CNTN5: variants seen among roughly 807,000 people sequenced by gnomAD.
The protein encoded by CNTN5 is contactin-5.
CNTN5 carries 77 observed loss-of-function variants against 129.1 expected under a neutral mutation model. The observed-to-expected ratio is 0.60, with a 90% CI of 0.50 to 0.72. CNTN5 has a LOEUF of 0.72. Ranked by LOEUF, CNTN5 falls within the 30% of genes least tolerant of loss-of-function variation. CNTN5 has a pLI of 0.00. For synonymous variants in CNTN5, 509 were observed against 465.6 expected (o/e 1.09, Z -1.20); for missense variants, 1,478 against 1,328.8 (o/e 1.11, Z -1.75).
In CNTN5 at chr11:99,608,439, G is replaced by T. The variant is rs940239227; in HGVS notation, c.55+52170G>T. Among the ~76,000 whole-genome samples the T allele has an allele frequency of 2.0e-5, 3 of 152,308 alleles. No homozygotes were observed. The South Asian group carries it at 6.2e-4, about 32-fold the overall frequency. ...GTTGACCTTCTAACCTCCCTGGTCA[G>T]AATGTGACTTTATTTGGAGATTGGG... On this transcript the variant is annotated intron_variant, in intron 3 of 24. Coordinates refer to ENST00000524871, the MANE Select transcript of CNTN5 (RefSeq NM_014361.4).
intron 1 of CNTN5, among the ~76,000 whole-genome samples, chr11:99,226,624 A>G (rs1336590039): frequency 1.3e-5 from 2 of 152,166 alleles, no homozygotes; most frequent in Non-Finnish European, 2.9e-5. Context: ...GATTCCATAA[A>G]ACATATGTAG....
intron 1 of CNTN5, among the ~76,000 whole-genome samples, chr11:99,230,444 T>G (rs2135727070): frequency 6.6e-6 from 1 of 152,282 alleles, no homozygotes; most frequent in African/African-American, 2.4e-5. Flanking sequence ...AATTATGTTT[T>G]TTGGGACTTC....
intron 3 of CNTN5, among the ~76,000 whole-genome samples, chr11:99,609,696 A>G (rs543601764): frequency 6.6e-6 from 1 of 152,162 alleles, no homozygotes; most frequent in African/African-American, 2.4e-5. Context: ...GAGATAAGAT[A>G]GGTATCATCA....
intron 1 of CNTN5, among the ~76,000 whole-genome samples, chr11:99,312,967 TTAATAGAACGAGCTAA>T (rs1185167597): frequency 2.0e-5 from 3 of 152,058 alleles, no homozygotes; most frequent in Admixed American, 2.0e-4. Context: ...AATAGTGGTT[TTAATAGAACGAGCTAA>T]TAAGTAAGAG....
intron 2 of CNTN5, among the ~76,000 whole-genome samples, chr11:99,410,463 C>T (rs536211853): frequency 4.6e-5 from 7 of 152,124 alleles, no homozygotes; most frequent in Non-Finnish European, 1.0e-4. Flanking sequence ...TTCTAAATAA[C>T]ATGCTAGATG....
intron 3 of CNTN5, among the ~76,000 whole-genome samples, chr11:99,582,971 T>C (rs1949662622): frequency 6.6e-6 from 1 of 152,206 alleles, no homozygotes; most frequent in South Asian, 2.1e-4. Flanking sequence ...ACCTTTGGTT[T>C]TTGATGATGG....
At chr11:99,162,651 G>A (rs918052879) in intron 1 of CNTN5, among the ~76,000 whole-genome samples, 1 of 152,256 alleles carries the variant, frequency 6.6e-6, no homozygotes, top group Admixed American at 6.5e-5. Flanking sequence ...CAAAGAAAGA[G>A]AAGCTAAGAA....
At chr11:100,038,480 A>G (rs1378549231) in intron 9 of CNTN5, among the ~76,000 whole-genome samples, 1 of 152,160 alleles carries the variant, frequency 6.6e-6, no homozygotes, top group African/African-American at 2.4e-5. Context: ...AATGTCTGTT[A>G]GGTCTGCTTG....
Position 99,701,807 on chromosome 11 carries a change from G to A in CNTN5, c.56-117737G>A, listed in dbSNP as rs544539953. Among the ~76,000 whole-genome samples, 63 of 151,166 alleles carry A rather than the reference G, an allele frequency of 4.2e-4. No homozygotes were observed. The South Asian group carries it at 5.4e-3, about 13-fold the overall frequency. On this transcript the variant is annotated intron_variant, in intron 3 of 24. Coordinates refer to ENST00000524871, the MANE Select transcript of CNTN5 (RefSeq NM_014361.4). Reference sequence around the variant, plus strand: ...TCACAAAGTCTGTTAGAGTAACTATGAAGATGATTCATAGATTCTGCTGCC... The same window carrying A: ...TCACAAAGTCTGTTAGAGTAACTATAAAGATGATTCATAGATTCTGCTGCC...
At chr11:100,321,442 A>G (rs1951695060) in intron 21 of CNTN5, among the ~76,000 whole-genome samples, 1 of 151,988 alleles carries the variant, frequency 6.6e-6, no homozygotes, top group Non-Finnish European at 1.5e-5. Context: ...ATCATTCCTA[A>G]GAGTTTTTTG....
chr11:100,129,126 G>A (rs1306883556), intron 13 of CNTN5, among the ~76,000 whole-genome samples: 1 of 152,112 alleles, frequency 6.6e-6, no homozygotes, highest in African/African-American at 2.4e-5. Flanking sequence ...TAGGTCCACA[G>A]GAAATATCTA....
At chr11:99,857,014 CTCTCTATCTA>C (rs199744639) in intron 6 of CNTN5, among the ~76,000 whole-genome samples, 2,213 of 146,874 alleles carry the variant, frequency 0.015, 25 homozygotes, top group Middle Eastern at 0.059. Flanking sequence ...CCTTCCCTCT[CTCTCTATCTA>C]TCTCTATCTC....
chr11:100,221,453 T>A (rs1949263785), intron 15 of CNTN5, among the ~76,000 whole-genome samples: 2 of 152,230 alleles, frequency 1.3e-5, no homozygotes, highest in South Asian at 4.1e-4. Context: ...AGCAGGATAC[T>A]TAGTCAAAAT....
intron 20 of CNTN5, among the ~76,000 whole-genome samples, chr11:100,305,537 AAAGACCCACT>A (rs1656525978): frequency 6.6e-6 from 1 of 151,636 alleles, no homozygotes; most frequent in South Asian, 2.1e-4. Context: ...AAATATGACT[AAAGACCCACT>A]GCCCCTGCAT....
At chr11:99,834,467 A>T (rs1457357288) in intron 4 of CNTN5, among the ~76,000 whole-genome samples, 1 of 152,174 alleles carries the variant, frequency 6.6e-6, no homozygotes, top group East Asian at 1.9e-4. Flanking sequence ...TTGCGGCTGC[A>T]GTGAGCCATG....
Position 99,257,555 on chromosome 11 carries a change from GA to G in CNTN5, c.-209-67784del, listed in dbSNP as rs201868552. 1.8e-3 allele frequency among the ~76,000 whole-genome samples: 273 copies of G among 151,642 alleles called. 3 individuals are homozygous for G. The highest frequency in any genetic ancestry group is 6.3e-3 in the African/African-American group (259 of 41,404). On this transcript the variant is annotated intron_variant, in intron 1 of 24. Coordinates refer to ENST00000524871, the MANE Select transcript of CNTN5 (RefSeq NM_014361.4). ...GTGGATATTCATTGATTTTTTTAAT[GA>G]AAAAAAGGTGTAATTTTTTATTCAT... is the stretch of plus-strand genomic sequence containing the variant.
intron 15 of CNTN5, among the ~76,000 whole-genome samples, chr11:100,203,510 C>T (rs1948833037): frequency 6.6e-6 from 1 of 151,982 alleles, no homozygotes; most frequent in South Asian, 2.1e-4. Flanking sequence ...TTGTTTTATG[C>T]AGTTTTGGCC....
Position 99,746,655 on chromosome 11 carries a change from C to T in CNTN5, c.56-72889C>T, listed in dbSNP as rs116422662. 2.5e-3 allele frequency among the ~76,000 whole-genome samples: 382 copies of T among 152,214 alleles called. 2 individuals carry two copies. The highest frequency in any genetic ancestry group is 8.4e-3 in the African/African-American group (351 of 41,540). On this transcript the variant is annotated intron_variant, in intron 3 of 24. Transcript: ENST00000524871. The stretch of plus-strand genomic sequence containing the variant: ...GTGCACTCCTTATGAGAATCTAATG[C>T]CTGATGGTCTAGGGTGGAATAGTTT...
chr11:100,112,064 C>A lies in CNTN5; in HGVS notation c.1580+37770C>A, dbSNP rs537452828. Among the ~76,000 whole-genome samples, 5 of 152,296 alleles carry A rather than the reference C, an allele frequency of 3.3e-5. No individual in the cohort carries two copies. The East Asian group carries it at 5.8e-4, about 18-fold the overall frequency. On this transcript the variant is annotated intron_variant, in intron 13 of 24. Coordinates refer to ENST00000524871, the MANE Select transcript of CNTN5 (RefSeq NM_014361.4). ...CTTTCCAGCACATGGAGGGATTACA[C>A]CTCCGTGTTGACTTGGAAACTAGGT...
Sources: allele counts gnomAD v4.1 joint callset (sites outside exome capture counted in the v4.1 genomes callset), GRCh38; gene constraint gnomAD v4.1.1; transcripts MANE v1.5; gene names NCBI Gene and HGNC (gene_info 2026-07-23, HGNC 2026-07-21).